Variants in HS3ST5 observed in about 807,000 individuals in gnomAD.
The protein encoded by HS3ST5 is heparan sulfate glucosamine 3-O-sulfotransferase 5.
Under a neutral mutation model 25.4 loss-of-function variants are expected in HS3ST5, and 10 were observed. That is an observed-to-expected ratio of 0.39 (90% CI 0.24 to 0.67). The LOEUF (loss-of-function observed/expected upper bound fraction) is 0.67, where lower values mean the gene tolerates loss of function less well. Among genes scored for constraint, HS3ST5 ranks in the 30% least tolerant of loss-of-function variants. HS3ST5 has a pLI of 0.44. For missense variants in HS3ST5, 324 were observed against 420.7 expected (o/e 0.77, Z 2.01); for synonymous variants, 170 against 162.4 (o/e 1.05, Z -0.36).
chr6:114,069,959 T>A (rs1773705569), intron 3 of HS3ST5, among the ~76,000 whole-genome samples: 1 of 152,172 alleles, frequency 6.6e-6, no homozygotes, highest in Non-Finnish European at 1.5e-5. Flanking sequence ...TTTCAATAGT[T>A]TTGGGGGTAC....
At chr6:114,186,175 A>C (rs1347176227) in intron 2 of HS3ST5, among the ~76,000 whole-genome samples, 1 of 152,064 alleles carries the variant, frequency 6.6e-6, no homozygotes, top group African/African-American at 2.4e-5. Context: ...TAAGTATTCA[A>C]GTGAAAGAGT....
At chr6:114,316,989 T>C (rs1162713185) in intron 1 of HS3ST5, among the ~76,000 whole-genome samples, 1 of 152,150 alleles carries the variant, frequency 6.6e-6, no homozygotes, top group Non-Finnish European at 1.5e-5. Context: ...GTTAGAAAAA[T>C]AAAATGAGAT....
chr6:114,249,246 T>C (rs1032954520), intron 1 of HS3ST5, among the ~76,000 whole-genome samples: 1 of 152,260 alleles, frequency 6.6e-6, no homozygotes, highest in Non-Finnish European at 1.5e-5. Context: ...ACATATGCAC[T>C]AATTAATAAT....
At chr6:114,216,543 T>G (rs1016372145) in intron 2 of HS3ST5, among the ~76,000 whole-genome samples, 1 of 151,970 alleles carries the variant, frequency 6.6e-6, no homozygotes, top group Admixed American at 6.5e-5. Context: ...GACACACATA[T>G]CCTCTCATTG....
At chr6:114,110,271 A>ATTTCCC (rs1169269538) in intron 3 of HS3ST5, among the ~76,000 whole-genome samples, 1 of 151,900 alleles carries the variant, frequency 6.6e-6, no homozygotes, top group Non-Finnish European at 1.5e-5. Context: ...ACATTATTTT[A>ATTTCCC]TTTCCCTGCC....
chr6:114,330,264 A>T (rs369339160), intron 1 of HS3ST5, among the ~76,000 whole-genome samples: 5 of 152,126 alleles, frequency 3.3e-5, no homozygotes, highest in African/African-American at 2.4e-5. Flanking sequence ...GGAATTCTGA[A>T]TTTTTTTTAC....
chr6:114,265,812 T>G (rs1773381691), intron 1 of HS3ST5, among the ~76,000 whole-genome samples: 1 of 152,194 alleles, frequency 6.6e-6, no homozygotes, highest in Admixed American at 6.5e-5. Context: ...TGAATGCATT[T>G]TCTAAACTTC....
chr6:114,339,078 T>G (rs1776722902), intron 1 of HS3ST5, among the ~76,000 whole-genome samples: 2 of 152,132 alleles, frequency 1.3e-5, no homozygotes, highest in African/African-American at 2.4e-5. Context: ...AAGTCTTCAC[T>G]TAATTGCAAT....
At chr6:114,109,512 G>A (rs1247575878) in intron 3 of HS3ST5, among the ~76,000 whole-genome samples, 3 of 152,146 alleles carry the variant, frequency 2.0e-5, no homozygotes, top group African/African-American at 7.2e-5. Context: ...CTTCCCCGGG[G>A]CCAGTCTTAA....
chr6:114,183,219 G>A (rs1422535809), intron 2 of HS3ST5, among the ~76,000 whole-genome samples: 1 of 152,110 alleles, frequency 6.6e-6, no homozygotes, highest in African/African-American at 2.4e-5. Flanking sequence ...CTCTCGAGTT[G>A]TGAAAGGGAC....
At chr6:114,130,625 A>G (rs1777279817) in intron 3 of HS3ST5, among the ~76,000 whole-genome samples, 1 of 152,200 alleles carries the variant, frequency 6.6e-6, no homozygotes, top group East Asian at 1.9e-4. Flanking sequence ...GCTGGAGTAC[A>G]GTGGCGCAAT....
chr6:114,310,946 G>C (rs1237510547), intron 1 of HS3ST5, among the ~76,000 whole-genome samples: 1 of 152,110 alleles, frequency 6.6e-6, no homozygotes, highest in Non-Finnish European at 1.5e-5. Flanking sequence ...TGTTCCAATA[G>C]GTTGAATATG....
intron 1 of HS3ST5, among the ~76,000 whole-genome samples, chr6:114,316,475 C>A (rs1775752659): frequency 2.0e-5 from 3 of 152,116 alleles, no homozygotes; most frequent in Non-Finnish European, 4.4e-5. Flanking sequence ...TGTCACATAT[C>A]AGATGAGCAC....
intron 1 of HS3ST5, among the ~76,000 whole-genome samples, chr6:114,291,295 G>A (rs1426632439): frequency 1.3e-5 from 2 of 152,130 alleles, no homozygotes; most frequent in African/African-American, 4.8e-5. Flanking sequence ...TCCAATCTCT[G>A]AAGAGAGTTT....
At chr6:114,252,187 T>C (rs1319805205) in intron 1 of HS3ST5, among the ~76,000 whole-genome samples, 1 of 152,130 alleles carries the variant, frequency 6.6e-6, no homozygotes, top group African/African-American at 2.4e-5. Context: ...ACTCTAACAC[T>C]GTAAGTGTCT....
intron 1 of HS3ST5, among the ~76,000 whole-genome samples, chr6:114,261,765 A>G (rs887028849): frequency 6.6e-6 from 1 of 152,230 alleles, no homozygotes; most frequent in Admixed American, 6.5e-5. Context: ...GCAGTGCTTC[A>G]GAAGGACAAA....
chr6:114,239,942 G>C (rs924878893), intron 1 of HS3ST5, among the ~76,000 whole-genome samples: 1 of 151,830 alleles, frequency 6.6e-6, no homozygotes, highest in South Asian at 2.1e-4. Flanking sequence ...TACTTTGCCA[G>C]CACAAAGCTC....
intron 2 of HS3ST5, among the ~76,000 whole-genome samples, chr6:114,188,603 A>AT (rs67059658): frequency 5.3e-5 from 8 of 151,810 alleles, no homozygotes; most frequent in East Asian, 3.9e-4. Flanking sequence ...ATATTGTGGC[A>AT]TTTTTTTATT....
Position 114,210,730 on chromosome 6 carries a change from A to AGCAT in HS3ST5, c.-145+17854_-145+17855insATGC, listed in dbSNP as rs1345010944. ...CGCTCAGCATTTGCAATGAGCAGTG[A>AGCAT]TTGGCCTTTGCCCAATTCAGGGACA... On this transcript the variant is annotated intron_variant, in intron 2 of 4. Transcript: ENST00000312719. Among the ~76,000 whole-genome samples, 5 of 152,346 alleles carry AGCAT rather than the reference A, an allele frequency of 3.3e-5. No homozygotes were observed. The East Asian group carries it at 9.6e-4, about 29-fold the overall frequency.
Sources: allele counts gnomAD v4.1 joint callset (sites outside exome capture counted in the v4.1 genomes callset), GRCh38; gene constraint gnomAD v4.1.1; transcripts MANE v1.5; gene names NCBI Gene and HGNC (gene_info 2026-07-23, HGNC 2026-07-21).